Variants in PTBP1 observed in about 807,000 individuals in gnomAD.
The protein encoded by PTBP1 is polypyrimidine tract-binding protein 1.
A neutral mutation model predicts 59.8 loss-of-function variants in PTBP1; 8 were observed. That is an observed-to-expected ratio of 0.13 (90% confidence interval 0.08 to 0.24). The LOEUF is 0.24. Ranked by LOEUF, PTBP1 falls within the 10% of genes least tolerant of loss-of-function variation. PTBP1 has a pLI of 1.00. For synonymous variants in PTBP1, 490 were observed against 320.7 expected, an observed-to-expected ratio of 1.53 and a Z score of -5.64; for missense variants, 686 against 767.0, an observed-to-expected ratio of 0.89 and a Z score of 1.25.
intron 10 of PTBP1, chr19:807,524 G>T (rs2034640284): frequency 5.8e-6 from 2 of 343,692 alleles, no homozygotes; most frequent in Non-Finnish European, 5.3e-6. Flanking sequence ...ACTGACCTGT[G>T]TTTTTTTGCT....
chr19:806,302 C>T (rs1401839400), intron 9 of PTBP1, 106 bp from the exon 10 acceptor site: 2 of 1,300,356 alleles, frequency 1.5e-6, no homozygotes, highest in Non-Finnish European at 2.0e-6. Context: ...GGGCCGCCTC[C>T]CGCGCGGCTC....
At chr19:809,594 A>G (rs1035821237) in intron 13 of PTBP1, among the ~76,000 whole-genome samples, 1 of 152,162 alleles carries the variant, frequency 6.6e-6, no homozygotes, top group Non-Finnish European at 1.5e-5. Context: ...TGCTGGGATA[A>G]CAGGTGGGAG....
intron 10 of PTBP1, 74 bp from the exon 11 acceptor site, chr19:807,795 C>A: frequency 8.4e-7 from 1 of 1,187,138 alleles, no homozygotes; most frequent in Non-Finnish European, 1.3e-6. Context: ...CTCGTGTGGA[C>A]GATTGGCAAC....
chr19:810,467 G>C, intron 13 of PTBP1, 76 bp from the exon 14 acceptor site: 29 of 1,300,344 alleles, frequency 2.2e-5, no homozygotes, highest in Non-Finnish European at 2.9e-5. Flanking sequence ...AAACTAGTCT[G>C]GGGAAAGCCT....
At chr19:799,283 C>T in intron 1 of PTBP1, 130 bp from the exon 2 acceptor site, 2 of 847,262 alleles carry the variant, frequency 2.4e-6, no homozygotes, top group Non-Finnish European at 2.1e-6. Context: ...GGGCCTCGTG[C>T]AGCCAGAGGG....
chr19:804,020 G>A lies in PTBP1; in HGVS notation c.116-16G>A. On this transcript the variant is annotated splice_polypyrimidine_tract_variant and intron_variant, in intron 3 of 14. Transcript: ENST00000356948. The stretch of plus-strand genomic sequence containing the variant: ...CTGCGAGTTGGTGCCTGCATCTCAT[G>A]GCACCCCCTTTTCAGCAAACGGAAA... 2 of 1,613,788 alleles carry A rather than the reference G, an allele frequency of 1.2e-6. No individual in the cohort carries two copies. Among genetic ancestry groups the A allele is most frequent in the Non-Finnish European group, 1.7e-6 (2 of 1,179,976 alleles).
chr19:807,157 G>GC (rs1817388670), intron 10 of PTBP1: 1 of 152,380 alleles, frequency 6.6e-6, no homozygotes, highest in South Asian at 2.1e-4. Flanking sequence ...CGCACTCCCT[G>GC]CCTGTGCCTC....
At chr19:797,857 C>T (rs1443817098) in intron 1 of PTBP1, among the ~76,000 whole-genome samples, 1 of 148,820 alleles carries the variant, frequency 6.7e-6, no homozygotes, top group Non-Finnish European at 1.5e-5. Flanking sequence ...CCCTCGCGCG[C>T]CCGGATGGCC....
At position 804,136 on chromosome 19, in the gene PTBP1, G is replaced by A; in HGVS notation, c.216G>A (p.Glu72=). The change falls in exon 4 of 15, where the codon GAG becomes GAA. Residue 72 remains glutamate, a synonymous_variant. Transcript: ENST00000356948. ...HIRKLPIDVT[E]GEVISLGLPF... ...GGAAGCTCCCCATCGACGTCACGGAGGGGGAAGTCATCTCCCTGGGGCTGC... is the reference window on the plus strand; with the variant it reads ...GGAAGCTCCCCATCGACGTCACGGAAGGGGAAGTCATCTCCCTGGGGCTGC... 3.1e-6 allele frequency: 5 copies of A among 1,613,886 alleles called. No individual in the cohort carries two copies. The highest frequency in any genetic ancestry group is 2.5e-6 in the Non-Finnish European group (3 of 1,179,862).
intron 13 of PTBP1, among the ~76,000 whole-genome samples, chr19:809,405 C>T (rs1297477843): frequency 1.3e-5 from 2 of 152,064 alleles, no homozygotes; most frequent in East Asian, 1.9e-4. Context: ...CAAGTTCTGC[C>T]TCCTGGGTTC....
intron 2 of PTBP1, among the ~76,000 whole-genome samples, chr19:802,579 C>T (rs540022618): frequency 2.0e-4 from 30 of 152,278 alleles, no homozygotes; most frequent in African/African-American, 7.2e-4. Flanking sequence ...CCTTTGTTCC[C>T]TGGGATGGCC....
Position 806,545 on chromosome 19 carries a change from C to T in PTBP1, c.1108C>T (p.Leu370Phe). 1 of 1,531,582 alleles carries T rather than the reference C, an allele frequency of 6.5e-7. No individual in the cohort carries two copies. Among genetic ancestry groups the T allele is most frequent in the Non-Finnish European group, 8.8e-7 (1 of 1,140,136 alleles). The allele number at this position is 1,531,582 out of a possible 1,614,324, so 94.9% of individuals were successfully genotyped here. Residue 370 changes from leucine to phenylalanine, a missense_variant, in exon 10 of 15, where the codon CTC (leucine) becomes TTC (phenylalanine). Leu to Phe is a conservative substitution (Grantham distance 22). Coordinates refer to ENST00000356948, the MANE Select transcript of PTBP1 (RefSeq NM_002819.5). ...AAATTCTGTATTGCTGGTCAGCAAC[C>T]TCAACCCAGAGGTACGTGGGCTTTT... is the stretch of plus-strand genomic sequence containing the variant. ...AGNSVLLVSNLNPERVTPQSL... is the reference protein window; with the variant it reads ...AGNSVLLVSNFNPERVTPQSL...
rs1385341813 is a variant in PTBP1, at chr19:809,000, G to A, written c.1463+238G>A. On this transcript the variant is annotated intron_variant, in intron 13 of 14. Coordinates refer to ENST00000356948, the MANE Select transcript of PTBP1 (RefSeq NM_002819.5). This position sits in a 1 kb window ranked among gnomAD's most constrained non-coding sequence, Gnocchi z 4.7. ...GATGCTCCCTGTGAGAATGTATAAT[G>A]CACACATTTATTTATTTATATTTTT... 6.6e-6 allele frequency among the ~76,000 whole-genome samples: 1 copy of A among 152,100 alleles called. No homozygotes were observed. Among genetic ancestry groups the A allele is most frequent in the African/African-American group, 2.4e-5 (1 of 41,422 alleles).
At chr19:805,304 T>A in intron 8 of PTBP1, 117 bp downstream of exon 8, 1 of 1,307,130 alleles carries the variant, frequency 7.7e-7, no homozygotes, top group Non-Finnish European at 1.1e-6. Context: ...TGCTGCTCTC[T>A]GCACGGCCAG....
chr19:802,815 A>G (rs754260209), intron 2 of PTBP1, among the ~76,000 whole-genome samples: 27 of 152,202 alleles, frequency 1.8e-4, no homozygotes, highest in Non-Finnish European at 2.9e-4. Context: ...GTCTAGTGCA[A>G]TTCTTAGAAG....
At chr19:806,369 CGG>C in intron 9 of PTBP1, 37 bp from the exon 10 acceptor site, 3 of 1,569,204 alleles carry the variant, frequency 1.9e-6, no homozygotes, top group Non-Finnish European at 2.6e-6. Context: ...GCGGTGGAGT[CGG>C]GGGCGCCGCC....
chr19:802,991 T>C (rs1599224477), intron 2 of PTBP1, among the ~76,000 whole-genome samples: 1 of 152,170 alleles, frequency 6.6e-6, no homozygotes, highest in East Asian at 1.9e-4. Context: ...CAGTCTCGCG[T>C]GTGCAGAGAC....
In PTBP1 at chr19:811,953, C is replaced by T. The variant is rs575820360; in HGVS notation, c.*1127C>T. 1.3e-5 allele frequency: 2 copies of T among 152,570 alleles called. No homozygotes were observed. Among genetic ancestry groups the T allele is most frequent in the East Asian group, 1.9e-4 (1 of 5,190 alleles). The allele number at this position is 152,570 out of a possible 1,614,324, so 9.5% of individuals were successfully genotyped here. ...CTTCTCTGTGCTCTTTCTACCGCCC[C>T]CGCGTCCTGTCCCGGGGGCTCTCCT... is the stretch of plus-strand genomic sequence containing the variant. On this transcript the variant is annotated 3_prime_UTR_variant, in exon 15 of 15. Transcript: ENST00000356948.
chr19:809,293 A>G (rs763055688), intron 13 of PTBP1, among the ~76,000 whole-genome samples: 3 of 149,018 alleles, frequency 2.0e-5, no homozygotes, highest in African/African-American at 5.0e-5. Flanking sequence ...GGCGTGAGCC[A>G]CCGCGCCTAG....
Sources: allele counts gnomAD v4.1 joint callset (sites outside exome capture counted in the v4.1 genomes callset), GRCh38; gene constraint gnomAD v4.1.1; non-coding constraint Gnocchi (gnomAD v3.1); transcripts MANE v1.5; gene names NCBI Gene and HGNC (gene_info 2026-07-23, HGNC 2026-07-21).